The following CCDC167 variants were observed in gnomAD, a reference collection of about 807,000 sequenced individuals.
CCDC167 encodes the protein coiled-coil domain containing 167, also known as coiled-coil domain-containing protein 167.
Under a neutral mutation model 12.7 loss-of-function variants are expected in CCDC167, and 15 were observed. The ratio of observed to expected loss-of-function variants is 1.18; its 90% CI spans 0.79 to 1.81. The LOEUF (loss-of-function observed/expected upper bound fraction) is 1.81. CCDC167 is among the 40% of genes most tolerant of loss of function. The pLI, the probability that CCDC167 is intolerant of heterozygous loss-of-function variation, is 0.00. For missense variants in CCDC167, 121 were observed against 120.1 expected, an observed-to-expected ratio of 1.01 and a Z score of -0.03; for synonymous variants, 52 against 49.0, an observed-to-expected ratio of 1.06 and a Z score of -0.26.
At chr6:37,484,518 CT>C (rs1383398352) in intron 3 of CCDC167, among the ~76,000 whole-genome samples, 1 of 152,200 alleles carries the variant, frequency 6.6e-6, no homozygotes, top group African/African-American at 2.4e-5. Flanking sequence ...GGAGAGCAGA[CT>C]TCCGATGTCT....
rs367678862 is a variant in CCDC167 at position 37,485,616 on chromosome 6, C to T, written c.43-422G>A. On this transcript the variant is annotated intron_variant, in intron 1 of 3. Coordinates refer to ENST00000373408, the MANE Select transcript of CCDC167 (RefSeq NM_138493.3). The stretch of plus-strand genomic sequence containing the variant: ...GCCCCACGGGCGTATCCTAGAGTGG[C>T]GGAGATGCTGTGAAGAAACTGGCTT... Among the ~76,000 whole-genome samples the T allele has an allele frequency of 1.9e-4, 29 of 152,356 alleles. No homozygotes were observed. The South Asian group carries it at 3.7e-3, about 20-fold the overall frequency.
chr6:37,486,603 C>T (rs78957053), intron 1 of CCDC167, among the ~76,000 whole-genome samples: 3 of 152,192 alleles, frequency 2.0e-5, no homozygotes, highest in East Asian at 3.9e-4. Flanking sequence ...CACCTCCAGC[C>T]CCATAAGCAG....
At chr6:37,496,155 C>T (rs138295420) in intron 1 of CCDC167, among the ~76,000 whole-genome samples, 10 of 152,248 alleles carry the variant, frequency 6.6e-5, no homozygotes, top group South Asian at 2.1e-4. Context: ...AAAATCCGGC[C>T]GAGTGTGGTG....
intron 3 of CCDC167, among the ~76,000 whole-genome samples, chr6:37,484,365 C>T (rs1409711372): frequency 6.6e-6 from 1 of 152,202 alleles, no homozygotes; most frequent in South Asian, 2.1e-4. Flanking sequence ...CCCCCAGCGC[C>T]CAGAAGGTGG....
Position 37,485,182 on chromosome 6 carries a change from C to G in CCDC167, c.55G>C (p.Glu19Gln). ...CTCCGACACTGGGACAGCTTCTCCTCTAGCCCATCGATCTGAAACAAAGGC... is the reference window on the plus strand; with the variant it reads ...CTCCGACACTGGGACAGCTTCTCCTGTAGCCCATCGATCTGAAACAAAGGC... ...LGVALEIDGL[E>Q]EKLSQCRRDL... is the part of the protein sequence containing the mutation. The change falls in exon 2 of 4, where the codon GAG becomes CAG. Residue 19 changes from glutamate (E) to glutamine (Q), a missense_variant. By Grantham distance (29) the Glu-to-Gln change is conservative. Transcript: ENST00000373408. 6.2e-7 allele frequency: 1 copy of G among 1,613,250 alleles called. No homozygotes were observed. Among genetic ancestry groups the G allele is most frequent in the Non-Finnish European group, 8.5e-7 (1 of 1,179,878 alleles).
intron 1 of CCDC167, among the ~76,000 whole-genome samples, chr6:37,493,332 C>A (rs1013173415): frequency 2.0e-5 from 3 of 152,210 alleles, no homozygotes; most frequent in African/African-American, 7.2e-5. Flanking sequence ...CCCCCGATAT[C>A]TATTTTTTGA....
At chr6:37,497,370 T>C (rs1188903241) in intron 1 of CCDC167, among the ~76,000 whole-genome samples, 2 of 152,204 alleles carry the variant, frequency 1.3e-5, no homozygotes, top group East Asian at 1.9e-4. Context: ...ATATATATTG[T>C]TGATTCATTA....
At chr6:37,485,256 TG>T (rs1480643188) in intron 1 of CCDC167, 62 bp from the exon 2 acceptor site, 1 of 1,338,488 alleles carries the variant, frequency 7.5e-7, no homozygotes, top group Non-Finnish European at 1.1e-6. Flanking sequence ...ACACTGGGAC[TG>T]GGAAGCAGGG....
chr6:37,498,025 C>T (rs1244046444), intron 1 of CCDC167, among the ~76,000 whole-genome samples: 3 of 152,254 alleles, frequency 2.0e-5, no homozygotes, highest in Admixed American at 6.5e-5. Flanking sequence ...ACATGGACTG[C>T]GAGCGACTCA....
At chr6:37,484,473 T>A (rs1024066602) in intron 3 of CCDC167, among the ~76,000 whole-genome samples, 6 of 72,256 alleles carry the variant, frequency 8.3e-5, no homozygotes, top group Non-Finnish European at 1.1e-4. Flanking sequence ...CCTGGGAGGG[T>A]GTGGTGGGTT....
intron 1 of CCDC167, among the ~76,000 whole-genome samples, chr6:37,485,593 C>T (rs1437033793): frequency 6.6e-6 from 1 of 152,230 alleles, no homozygotes; most frequent in East Asian, 1.9e-4. Flanking sequence ...ATGCACCTGC[C>T]CCACGGGCGT....
chr6:37,494,821 T>TTTTTTTTTA (rs57496870), intron 1 of CCDC167, among the ~76,000 whole-genome samples: 1 of 150,040 alleles, frequency 6.7e-6, no homozygotes, highest in Non-Finnish European at 1.5e-5. Context: ...TTTTTTTTTT[T>TTTTTTTTTA]GAGACGGGGT....
intron 1 of CCDC167, among the ~76,000 whole-genome samples, chr6:37,490,390 AAG>A (rs1168517365): frequency 1.3e-5 from 2 of 152,032 alleles, no homozygotes; most frequent in African/African-American, 2.4e-5. Context: ...AGGAAGGAAA[AAG>A]AGGCATATGA....
At chr6:37,497,933 T>G (rs1426752699) in intron 1 of CCDC167, among the ~76,000 whole-genome samples, 2 of 151,952 alleles carry the variant, frequency 1.3e-5, no homozygotes, top group African/African-American at 4.8e-5. Context: ...GGGCACTAAA[T>G]AGAACACAAT....
intron 1 of CCDC167, among the ~76,000 whole-genome samples, chr6:37,485,522 C>G (rs1406297866): frequency 6.6e-6 from 1 of 152,240 alleles, no homozygotes; most frequent in Non-Finnish European, 1.5e-5. Flanking sequence ...GGTCTGTTGT[C>G]TCCCCAGCAC....
chr6:37,495,196 TAAAC>T (rs1439345138), intron 1 of CCDC167, among the ~76,000 whole-genome samples: 2 of 152,222 alleles, frequency 1.3e-5, no homozygotes, highest in East Asian at 3.9e-4. Context: ...TCCAAACTGA[TAAAC>T]TTTCTGTACT....
chr6:37,493,029 T>G (rs1403119216), intron 1 of CCDC167, among the ~76,000 whole-genome samples: 1 of 152,164 alleles, frequency 6.6e-6, no homozygotes, highest in Non-Finnish European at 1.5e-5. Context: ...CCTGTAAGGA[T>G]TTCTCTCGCA....
intron 3 of CCDC167, among the ~76,000 whole-genome samples, chr6:37,484,120 T>C (rs1044035104): frequency 2.6e-5 from 4 of 152,184 alleles, no homozygotes; most frequent in African/African-American, 7.2e-5. Context: ...GCAGGGCTGG[T>C]AGGTGTGCAC....
chr6:37,484,012 T>C (rs1761906271), intron 3 of CCDC167, among the ~76,000 whole-genome samples: 1 of 152,218 alleles, frequency 6.6e-6, no homozygotes, highest in Non-Finnish European at 1.5e-5. Context: ...TCCCTGTCTG[T>C]GCTGGGCAGT....
Sources: gnomAD v4.1 joint callset for allele counts (sites outside exome capture counted in the v4.1 genomes callset) on GRCh38, gnomAD v4.1.1 for gene constraint, MANE v1.5 for transcripts, NCBI Gene and HGNC (gene_info 2026-07-23, HGNC 2026-07-21) for gene names.